The following CHRM3 variants were observed in gnomAD, a reference collection of about 807,000 sequenced individuals.
CHRM3 encodes the protein cholinergic receptor muscarinic 3.
Under a neutral mutation model 41.8 loss-of-function variants are expected in CHRM3, and 11 were observed. That is an observed-to-expected ratio of 0.26 (90% CI 0.17 to 0.44). The LOEUF (loss-of-function observed/expected upper bound fraction) is 0.44. CHRM3 is among the 20% of genes least tolerant of loss of function. CHRM3 has a pLI of 1.00. For synonymous variants in CHRM3, 297 were observed against 301.4 expected (o/e 0.99, Z 0.15); for missense variants, 571 against 745.4 (o/e 0.77, Z 2.72).
chr1:239,417,480 T>C (rs1196444097), intron 1 of CHRM3, among the ~76,000 whole-genome samples: 1 of 151,914 alleles, frequency 6.6e-6, no homozygotes, highest in Non-Finnish European at 1.5e-5. Context: ...GAACAATAAA[T>C]CATAAGTGTG....
intron 3 of CHRM3, among the ~76,000 whole-genome samples, chr1:239,557,513 G>A (rs936691716): frequency 6.6e-5 from 10 of 152,114 alleles, no homozygotes; most frequent in Admixed American, 3.9e-4. Context: ...ACATGTGCAG[G>A]ATGTGCAGGT....
At chr1:239,534,313 G>A (rs1036265420) in intron 2 of CHRM3, among the ~76,000 whole-genome samples, 4 of 152,248 alleles carry the variant, frequency 2.6e-5, no homozygotes, top group South Asian at 2.1e-4. Context: ...GTGACAAAGC[G>A]AGACTCTGTC....
chr1:239,497,006 A>G (rs1667930799), intron 2 of CHRM3, among the ~76,000 whole-genome samples: 1 of 152,160 alleles, frequency 6.6e-6, no homozygotes, highest in South Asian at 2.1e-4. Flanking sequence ...AGTTGCATTG[A>G]TATTCCCAAG....
At chr1:239,828,675 T>C (rs1161464001) in intron 6 of CHRM3, among the ~76,000 whole-genome samples, 1 of 151,784 alleles carries the variant, frequency 6.6e-6, no homozygotes, top group Admixed American at 6.6e-5. Flanking sequence ...CAGAGAACAG[T>C]GGGCAAGGGG....
intron 3 of CHRM3, among the ~76,000 whole-genome samples, chr1:239,589,667 T>C (rs1479824634): frequency 1.6e-5 from 2 of 127,582 alleles, no homozygotes; most frequent in East Asian, 4.8e-4. Context: ...TATATATATA[T>C]ATAGTTTTAT....
chr1:239,711,717 T>G (rs1572062105), intron 5 of CHRM3, among the ~76,000 whole-genome samples: 1 of 148,570 alleles, frequency 6.7e-6, no homozygotes. Context: ...AGTGACAGGG[T>G]CTCACTCTGT....
chr1:239,543,175 G>A (rs989401853), intron 2 of CHRM3, among the ~76,000 whole-genome samples: 8 of 152,142 alleles, frequency 5.3e-5, no homozygotes, highest in Non-Finnish European at 1.5e-5. Context: ...TGAAGAGAAT[G>A]CCATCCTGGC....
chr1:239,559,998 T>C (rs1660712362), intron 3 of CHRM3, among the ~76,000 whole-genome samples: 1 of 152,232 alleles, frequency 6.6e-6, no homozygotes, highest in African/African-American at 2.4e-5. Flanking sequence ...ATAGATGGAC[T>C]AACTACATAC....
rs1680415554 is a variant in CHRM3 at position 239,912,430 on chromosome 1, G to A, written c.*3206G>A. On this transcript the variant is annotated 3_prime_UTR_variant, in exon 7 of 7. Transcript: ENST00000676153. ...TTAGTGTACAATAGTTGTAGACTCT[G>A]ACGGAATGAAAACAAACAAGAAGCC... The A allele has an allele frequency of 6.0e-6, 1 of 167,044 alleles. No individual in the cohort carries two copies. The highest frequency in any genetic ancestry group is 1.5e-5 in the Non-Finnish European group (1 of 68,130). The allele number at this position is 167,044 out of a possible 1,614,324, so 10.3% of individuals were successfully genotyped here. A position where few individuals can be genotyped will look rare whatever the true frequency, so the allele number is the denominator to read the frequency against.
At chr1:239,477,544 G>T (rs1666550211) in intron 1 of CHRM3, among the ~76,000 whole-genome samples, 1 of 152,198 alleles carries the variant, frequency 6.6e-6, no homozygotes, top group African/African-American at 2.4e-5. Context: ...GAAGGGGTAA[G>T]AAGAAATGAG....
chr1:239,571,727 C>T (rs1661848361), intron 3 of CHRM3, among the ~76,000 whole-genome samples: 1 of 152,160 alleles, frequency 6.6e-6, no homozygotes, highest in Non-Finnish European at 1.5e-5. Flanking sequence ...TCAGCATAGT[C>T]CCAGCACATC....
chr1:239,547,950 G>T (rs534185597), intron 3 of CHRM3, among the ~76,000 whole-genome samples: 2 of 152,112 alleles, frequency 1.3e-5, no homozygotes, highest in East Asian at 3.9e-4. Context: ...TTGAATTTTG[G>T]ACTGTCACCA....
intron 2 of CHRM3, among the ~76,000 whole-genome samples, chr1:239,517,238 T>C (rs1441778556): frequency 6.6e-6 from 1 of 152,168 alleles, no homozygotes; most frequent in Admixed American, 6.5e-5. Flanking sequence ...TAATAAGTTC[T>C]TGGAAAGTGC....
intron 4 of CHRM3, among the ~76,000 whole-genome samples, chr1:239,664,051 TCTTC>T (rs986350745): frequency 3.2e-4 from 48 of 152,202 alleles, no homozygotes; most frequent in African/African-American, 1.1e-3. Flanking sequence ...ATCCTCTGGG[TCTTC>T]CTTCTGGTTT....
rs1680583230 is a variant in CHRM3 at position 239,915,279 on chromosome 1, G to A, written c.*6055G>A. On this transcript the variant is annotated 3_prime_UTR_variant, in exon 7 of 7. Coordinates refer to ENST00000676153, the MANE Select transcript of CHRM3 (RefSeq NM_001375978.1). The stretch of plus-strand genomic sequence containing the variant: ...TTTTACCTTTTTTTATTACCTCGTG[G>A]CCAGCACTTCCTCAGTAGGCATTTC... 6.0e-6 allele frequency: 1 copy of A among 167,028 alleles called. No homozygotes were observed. Among genetic ancestry groups the A allele is most frequent in the South Asian group, 2.1e-4 (1 of 4,830 alleles). 10.3% of individuals were successfully genotyped at this position (167,028 alleles called of 1,614,324 possible).
chr1:239,860,175 A>G (rs1675522712), intron 6 of CHRM3, among the ~76,000 whole-genome samples: 1 of 152,176 alleles, frequency 6.6e-6, no homozygotes, highest in Non-Finnish European at 1.5e-5. Context: ...GAGCATCTCT[A>G]TTCCAATGTC....
At chr1:239,487,282 A>G (rs1247494883) in intron 1 of CHRM3, among the ~76,000 whole-genome samples, 5 of 152,146 alleles carry the variant, frequency 3.3e-5, no homozygotes, top group Non-Finnish European at 7.4e-5. Flanking sequence ...TTTCAAATTC[A>G]GTATAATATT....
chr1:239,533,003 C>T (rs1294856976), intron 2 of CHRM3, among the ~76,000 whole-genome samples: 4 of 152,136 alleles, frequency 2.6e-5, no homozygotes, highest in Non-Finnish European at 5.9e-5. Flanking sequence ...TTCTCTATAG[C>T]GCTCTTCTGG....
At chr1:239,838,518 A>G (rs956095980) in intron 6 of CHRM3, among the ~76,000 whole-genome samples, 18 of 152,202 alleles carry the variant, frequency 1.2e-4, no homozygotes, top group Non-Finnish European at 2.1e-4. Flanking sequence ...AAAATGCATT[A>G]AAATTGCCAT....
Sources: allele counts gnomAD v4.1 joint callset (sites outside exome capture counted in the v4.1 genomes callset), GRCh38; gene constraint gnomAD v4.1.1; transcripts MANE v1.5; gene names NCBI Gene and HGNC (gene_info 2026-07-23, HGNC 2026-07-21).